Variants in AKAIN1 observed in about 807,000 individuals in gnomAD.
AKAIN1 encodes A-kinase anchor protein inhibitor 1.
Under a neutral mutation model 3.7 loss-of-function variants are expected in AKAIN1, and 3 were observed. That is an observed-to-expected ratio of 0.82 (90% confidence interval 0.37 to 2.12). The LOEUF is 2.12. Ranked by LOEUF, AKAIN1 falls within the 30% of genes most tolerant of loss-of-function variation. AKAIN1 has a pLI of 0.06. For missense variants in AKAIN1, 82 were observed against 82.7 expected (o/e 0.99, Z 0.03); for synonymous variants, 31 against 30.8 (o/e 1.01, Z -0.02).
intron 1 of AKAIN1, among the ~76,000 whole-genome samples, chr18:5,180,009 G>A (rs1442945438): frequency 6.6e-6 from 1 of 152,048 alleles, no homozygotes; most frequent in African/African-American, 2.4e-5. Context: ...AGTTGAAAAG[G>A]GTTTCTTTAC....
intron 1 of AKAIN1, among the ~76,000 whole-genome samples, chr18:5,180,071 C>T (rs1018109281): frequency 6.6e-6 from 1 of 152,044 alleles, no homozygotes; most frequent in African/African-American, 2.4e-5. Context: ...AGGACTCAGA[C>T]CCAGAGCAAG....
At chr18:5,173,127 T>C (rs1392456719) in intron 1 of AKAIN1, among the ~76,000 whole-genome samples, 1 of 152,204 alleles carries the variant, frequency 6.6e-6, no homozygotes, top group Non-Finnish European at 1.5e-5. Flanking sequence ...AATGCTCAGA[T>C]TCCTTCTCAG....
At chr18:5,162,604 T>A (rs867678180) in intron 1 of AKAIN1, among the ~76,000 whole-genome samples, 2 of 148,460 alleles carry the variant, frequency 1.3e-5, no homozygotes, top group Admixed American at 6.8e-5. Context: ...ATTCAAACTC[T>A]ATGAAGAGTT....
At chr18:5,180,906 T>A (rs2071254012) in intron 1 of AKAIN1, among the ~76,000 whole-genome samples, 1 of 152,064 alleles carries the variant, frequency 6.6e-6, no homozygotes. Context: ...TCAAACAGAC[T>A]CATTATACTT....
At chr18:5,160,652 C>T (rs1337905115) in intron 1 of AKAIN1, among the ~76,000 whole-genome samples, 2 of 152,042 alleles carry the variant, frequency 1.3e-5, no homozygotes, top group East Asian at 3.9e-4. Context: ...TGAAGTTGTT[C>T]TCCTCTATTG....
chr18:5,193,601 A>G (rs554509547), intron 1 of AKAIN1, among the ~76,000 whole-genome samples: 1 of 152,302 alleles, frequency 6.6e-6, no homozygotes. Context: ...ATTTGTGAAC[A>G]TTCCCTCTTT....
chr18:5,181,687 A>G (rs1412791748), intron 1 of AKAIN1, among the ~76,000 whole-genome samples: 1 of 152,160 alleles, frequency 6.6e-6, no homozygotes, highest in Non-Finnish European at 1.5e-5. Flanking sequence ...ATAGCAAGTC[A>G]CTGCTTTTGA....
At chr18:5,181,530 C>T (rs570509632) in intron 1 of AKAIN1, among the ~76,000 whole-genome samples, 7 of 152,124 alleles carry the variant, frequency 4.6e-5, no homozygotes, top group Non-Finnish European at 8.8e-5. Context: ...TGTTAGCTCC[C>T]TTGCCTTTTC....
At chr18:5,150,070 G>A (rs2071071880) in intron 1 of AKAIN1, among the ~76,000 whole-genome samples, 1 of 152,158 alleles carries the variant, frequency 6.6e-6, no homozygotes, top group Admixed American at 6.5e-5. Context: ...TCAAGAGGTG[G>A]GAACACAGCT....
upstream of AKAIN1, chr18:5,197,612 G>A (rs2071357545): frequency 2.0e-6 from 1 of 512,084 alleles, no homozygotes; most frequent in East Asian, 3.5e-5. The surrounding 1 kb of genome is among the most constrained non-coding windows in gnomAD (Gnocchi z 6.9). Context: ...AATAGGTCCT[G>A]GAGGTCCGTG....
intron 1 of AKAIN1, among the ~76,000 whole-genome samples, chr18:5,167,953 T>C (rs959695879): frequency 6.6e-6 from 1 of 152,122 alleles, no homozygotes; most frequent in African/African-American, 2.4e-5. Context: ...TAAATTGCCT[T>C]ATGAAATAAT....
chr18:5,166,132 A>G (rs1206318007), intron 1 of AKAIN1, among the ~76,000 whole-genome samples: 1 of 152,058 alleles, frequency 6.6e-6, no homozygotes, highest in Non-Finnish European at 1.5e-5. Context: ...ATAAGCATCT[A>G]TTAGTGTGAA....
In AKAIN1 at chr18:5,197,252, C is replaced by T. The variant is rs2071354610; in HGVS notation, c.-199G>A. ...CAGCCGCCGCCGCGCGCTCTGCCTC[C>T]ACAATGCGGCCACAGCGGCGGCGGG... On this transcript the variant is annotated 5_prime_UTR_variant, in exon 1 of 2. Transcript: ENST00000434239. This position sits in a 1 kb window ranked among gnomAD's most constrained non-coding sequence, Gnocchi z 6.9. 8.0e-6 allele frequency: 11 copies of T among 1,379,518 alleles called. No individual in the cohort carries two copies. Among genetic ancestry groups the T allele is most frequent in the Non-Finnish European group, 1.0e-5 (11 of 1,077,122 alleles). 85.5% of individuals were successfully genotyped at this position (1,379,518 alleles called of 1,614,324 possible).
chr18:5,175,273 T>A (rs536975969), intron 1 of AKAIN1, among the ~76,000 whole-genome samples: 1 of 152,236 alleles, frequency 6.6e-6, no homozygotes, highest in Non-Finnish European at 1.5e-5. Context: ...GCATGTGAGT[T>A]CAGTGAGACT....
intron 1 of AKAIN1, among the ~76,000 whole-genome samples, chr18:5,185,788 T>C (rs1307249921): frequency 1.3e-5 from 2 of 152,028 alleles, no homozygotes; most frequent in Non-Finnish European, 2.9e-5. Flanking sequence ...GTTTGGTGAT[T>C]TCTCAAAGAA....
chr18:5,150,992 T>G lies in AKAIN1; in HGVS notation c.17-5237A>C, dbSNP rs372470044. Among the ~76,000 whole-genome samples the G allele has an allele frequency of 1.0e-3, 154 of 152,240 alleles. 3 individuals are homozygous for G. In the South Asian group the frequency reaches 0.016, roughly 16 times the overall value. On this transcript the variant is annotated intron_variant, in intron 1 of 1. Coordinates refer to ENST00000434239, the MANE Select transcript of AKAIN1 (RefSeq NM_001145194.2). ...TGAGACAGACTCTGGCTAGTGATTT[T>G]TTTCTAGATTGCACAGATAGGGCAC... is the stretch of plus-strand genomic sequence containing the variant.
chr18:5,173,162 T>A (rs1324769479), intron 1 of AKAIN1, among the ~76,000 whole-genome samples: 1 of 152,140 alleles, frequency 6.6e-6, no homozygotes. Flanking sequence ...TTACTGACCA[T>A]CACACAGCTA....
intron 1 of AKAIN1, among the ~76,000 whole-genome samples, chr18:5,173,384 C>G (rs1649607351): frequency 6.6e-6 from 1 of 152,088 alleles, no homozygotes; most frequent in Non-Finnish European, 1.5e-5. Context: ...AAAAGAAGAA[C>G]AGCCATCAGT....
At chr18:5,174,301 G>A (rs1482115860) in intron 1 of AKAIN1, among the ~76,000 whole-genome samples, 1 of 152,114 alleles carries the variant, frequency 6.6e-6, no homozygotes, top group Non-Finnish European at 1.5e-5. Flanking sequence ...ACTGCCTATA[G>A]GGACTGTGAG....
Sources: gnomAD v4.1 joint callset for allele counts (sites outside exome capture counted in the v4.1 genomes callset) on GRCh38, gnomAD v4.1.1 for gene constraint, Gnocchi (gnomAD v3.1) non-coding constraint, MANE v1.5 for transcripts, NCBI Gene and HGNC (gene_info 2026-07-23, HGNC 2026-07-21) for gene names.